EXOC6: variants seen among roughly 807,000 people sequenced by gnomAD.
EXOC6 encodes the protein exocyst complex component 6, also known as SEC15-like 1.
In EXOC6, 60 loss-of-function variants were observed where a neutral mutation model predicts 112.5. The observed-to-expected ratio is 0.53, with a 90% confidence interval of 0.43 to 0.66. The LOEUF is 0.66. Among genes scored for constraint, EXOC6 ranks in the 30% least tolerant of loss-of-function variants. The probability of loss-of-function intolerance (pLI) is 0.00; values close to 1 mark genes in which losing one functional copy is unlikely to be tolerated. For missense variants in EXOC6, 855 were observed against 957.1 expected, an observed-to-expected ratio of 0.89 and a Z score of 1.41; for synonymous variants, 295 against 308.0, an observed-to-expected ratio of 0.96 and a Z score of 0.44.
At chr10:93,018,278 G>C (rs1844632895) in intron 20 of EXOC6, among the ~76,000 whole-genome samples, 1 of 151,822 alleles carries the variant, frequency 6.6e-6, no homozygotes, top group Non-Finnish European at 1.5e-5. Flanking sequence ...ATTTTTAAAA[G>C]GTATAATAAT....
At chr10:93,058,119 A>T in intron 21 of EXOC6, 104 bp from the exon 22 acceptor site, 1 of 981,232 alleles carries the variant, frequency 1.0e-6, no homozygotes, top group Non-Finnish European at 1.5e-6. Context: ...TTTCAAGCAT[A>T]GGATTAGTGT....
At chr10:92,975,023 G>A (rs1454733877) in intron 18 of EXOC6, among the ~76,000 whole-genome samples, 6 of 151,938 alleles carry the variant, frequency 3.9e-5, no homozygotes, top group Non-Finnish European at 5.9e-5. Context: ...CTGCCTGGTC[G>A]CCCATTGTCT....
intron 1 of EXOC6, among the ~76,000 whole-genome samples, chr10:92,849,251 T>G (rs1847209367): frequency 6.6e-6 from 1 of 152,140 alleles, no homozygotes; most frequent in South Asian, 2.1e-4. Flanking sequence ...GCTTGCTGCT[T>G]GGGAACACGC....
chr10:92,945,011 A>G (rs996922459), intron 13 of EXOC6, among the ~76,000 whole-genome samples: 1 of 151,954 alleles, frequency 6.6e-6, no homozygotes, highest in Non-Finnish European at 1.5e-5. Flanking sequence ...ACCTCAGGTG[A>G]TCTGCCTGCT....
intron 8 of EXOC6, among the ~76,000 whole-genome samples, chr10:92,923,363 A>G (rs1321695777): frequency 6.6e-6 from 1 of 152,190 alleles, no homozygotes; most frequent in Non-Finnish European, 1.5e-5. Flanking sequence ...ATTAGTTATC[A>G]ATTGCTGTAT....
chr10:92,968,724 T>TA (rs1842168095), intron 17 of EXOC6, among the ~76,000 whole-genome samples: 1 of 152,144 alleles, frequency 6.6e-6, no homozygotes. Flanking sequence ...CCAATTACTG[T>TA]TAGGTACTTT....
chr10:92,975,821 G>T (rs1295315149), intron 18 of EXOC6, among the ~76,000 whole-genome samples: 5 of 126,236 alleles, frequency 4.0e-5, no homozygotes, highest in African/African-American at 1.3e-4. Flanking sequence ...CCGGCCAGCC[G>T]CCCCGTCCGG....
chr10:92,883,850 G>T (rs934300513), intron 1 of EXOC6, among the ~76,000 whole-genome samples: 11 of 152,152 alleles, frequency 7.2e-5, no homozygotes, highest in Non-Finnish European at 1.3e-4. Flanking sequence ...ATAGTATTTT[G>T]TCAGGGGTAA....
intron 18 of EXOC6, among the ~76,000 whole-genome samples, chr10:92,994,029 G>T (rs1446792016): frequency 6.6e-6 from 1 of 152,192 alleles, no homozygotes; most frequent in Non-Finnish European, 1.5e-5. Flanking sequence ...ATCTGTCACC[G>T]GCTGGTTAAT....
chr10:92,991,134 T>C (rs530246437), intron 18 of EXOC6, among the ~76,000 whole-genome samples: 2 of 152,002 alleles, frequency 1.3e-5, no homozygotes, highest in South Asian at 2.1e-4. Flanking sequence ...AACTTTTTTT[T>C]TTTTTTCCCA....
At chr10:93,034,536 A>G (rs1845423260) in intron 20 of EXOC6, among the ~76,000 whole-genome samples, 1 of 152,224 alleles carries the variant, frequency 6.6e-6, no homozygotes, top group Non-Finnish European at 1.5e-5. Context: ...AAAATGAACA[A>G]CTTTGAGTTC....
chr10:92,955,383 T>TGC (rs1275708785), intron 16 of EXOC6, among the ~76,000 whole-genome samples, 197 bp from the exon 17 acceptor site: 2 of 149,132 alleles, frequency 1.3e-5, no homozygotes, highest in African/African-American at 5.1e-5. Flanking sequence ...TGTGTGTGTG[T>TGC]GTGTGTATAT....
intron 17 of EXOC6, among the ~76,000 whole-genome samples, chr10:92,956,788 A>G (rs1186238257): frequency 6.6e-6 from 1 of 152,104 alleles, no homozygotes; most frequent in Non-Finnish European, 1.5e-5. Context: ...AAATTCATAT[A>G]CTCTGAAGTT....
At chr10:92,871,955 T>C (rs1312587774) in intron 1 of EXOC6, among the ~76,000 whole-genome samples, 5 of 152,188 alleles carry the variant, frequency 3.3e-5, no homozygotes, top group African/African-American at 1.2e-4. Flanking sequence ...TTTTGTTTGG[T>C]TAACTAGTGG....
intron 1 of EXOC6, among the ~76,000 whole-genome samples, chr10:92,852,746 C>A (rs1842918618): frequency 6.6e-6 from 1 of 152,118 alleles, no homozygotes; most frequent in Non-Finnish European, 1.5e-5. Flanking sequence ...CCCTCAGAAA[C>A]TAGTAATGGA....
chr10:92,909,347 A>G (rs947385282), intron 5 of EXOC6, 80 bp from the exon 6 acceptor site: 7 of 1,036,180 alleles, frequency 6.8e-6, no homozygotes, highest in Non-Finnish European at 8.6e-6. Flanking sequence ...TAATCAGTGT[A>G]AAACTGATTA....
chr10:92,893,094 T>G (rs1019966043), intron 1 of EXOC6, among the ~76,000 whole-genome samples: 2 of 152,224 alleles, frequency 1.3e-5, no homozygotes, highest in Non-Finnish European at 2.9e-5. Flanking sequence ...AAGACTTGTA[T>G]TAGGCCCACA....
chr10:92,877,078 T>C (rs1848715085), intron 1 of EXOC6, among the ~76,000 whole-genome samples: 1 of 152,188 alleles, frequency 6.6e-6, no homozygotes, highest in South Asian at 2.1e-4. Flanking sequence ...GGCAGGAAAC[T>C]TACCCTTTGT....
At chr10:93,012,373 A>G (rs1004185138) in intron 19 of EXOC6, among the ~76,000 whole-genome samples, 1 of 152,164 alleles carries the variant, frequency 6.6e-6, no homozygotes, top group Non-Finnish European at 1.5e-5. Flanking sequence ...TTAATAGAAC[A>G]AAAAAACAGC....
Sources: allele counts gnomAD v4.1 joint callset (sites outside exome capture counted in the v4.1 genomes callset), GRCh38; gene constraint gnomAD v4.1.1; transcripts MANE v1.5; gene names NCBI Gene and HGNC (gene_info 2026-07-23, HGNC 2026-07-21).